The following HIBADH variants were observed in gnomAD, a reference collection of about 807,000 sequenced individuals.
The protein encoded by HIBADH is 3-hydroxyisobutyrate dehydrogenase.
A neutral mutation model predicts 36.1 loss-of-function variants in HIBADH; 25 were observed. The observed-to-expected ratio is 0.69, with a 90% CI of 0.50 to 0.97. The LOEUF is 0.97. Ranked by LOEUF, HIBADH falls within the 50% of genes least tolerant of loss-of-function variation. The probability of loss-of-function intolerance (pLI) is 0.00; values close to 1 mark genes in which losing one functional copy is unlikely to be tolerated. For missense variants in HIBADH, 421 were observed against 418.0 expected (o/e 1.01, Z -0.06); for synonymous variants, 160 against 149.5 (o/e 1.07, Z -0.51).
intron 4 of HIBADH, among the ~76,000 whole-genome samples, chr7:27,560,588 T>C (rs541797212): frequency 1.9e-3 from 293 of 152,318 alleles, no homozygotes; most frequent in Middle Eastern, 3.4e-3. Context: ...TCTTCTTTTA[T>C]TGTTAGCCTT....
chr7:27,529,643 T>C (rs1448796142), intron 7 of HIBADH, among the ~76,000 whole-genome samples: 1 of 152,236 alleles, frequency 6.6e-6, no homozygotes, highest in Non-Finnish European at 1.5e-5. Flanking sequence ...AAGTGGTTTC[T>C]TGAGATGGAT....
intron 4 of HIBADH, among the ~76,000 whole-genome samples, chr7:27,545,938 A>C (rs1784230639): frequency 6.6e-6 from 1 of 152,194 alleles, no homozygotes; most frequent in Admixed American, 6.5e-5. Context: ...AGAAAGGGTA[A>C]AAGATCTGGA....
chr7:27,555,741 A>G (rs1418622174), intron 4 of HIBADH, among the ~76,000 whole-genome samples: 1 of 152,206 alleles, frequency 6.6e-6, no homozygotes. Flanking sequence ...CAAGAAGTTC[A>G]GGCATATAAA....
At chr7:27,576,217 T>C (rs1784707448) in intron 4 of HIBADH, among the ~76,000 whole-genome samples, 1 of 152,236 alleles carries the variant, frequency 6.6e-6, no homozygotes, top group South Asian at 2.1e-4. Flanking sequence ...TTAAAAGTAA[T>C]TGTTATTTAG....
chr7:27,600,491 T>C (rs1184757596), intron 4 of HIBADH, among the ~76,000 whole-genome samples: 1 of 152,166 alleles, frequency 6.6e-6, no homozygotes, highest in African/African-American at 2.4e-5. Flanking sequence ...CACTATCTAG[T>C]TGGGCAATTT....
rs1182444738 is a variant in HIBADH, at chr7:27,525,706, ATCAGCTCCCTGGAAAAT to A, written c.*491_*507del. 6.6e-6 allele frequency: 1 copy of A among 152,234 alleles called. No homozygotes were observed. Among genetic ancestry groups the A allele is most frequent in the Non-Finnish European group, 1.5e-5 (1 of 68,050 alleles). The allele number at this position is 152,234 out of a possible 1,614,324, so 9.4% of individuals were successfully genotyped here. A position where few individuals can be genotyped will look rare whatever the true frequency, so the allele number is the denominator to read the frequency against. ...CATGCAGCAACAGTTCTCCTGCTTT[ATCAGCTCCCTGGAAAAT>A]AAACCAGTAACCCTGGTAGTGCAGT... is the stretch of plus-strand genomic sequence containing the variant. On this transcript the variant is annotated 3_prime_UTR_variant, in exon 8 of 8. Coordinates refer to ENST00000265395, the MANE Select transcript of HIBADH (RefSeq NM_152740.4).
chr7:27,573,020 G>A (rs184742322), intron 4 of HIBADH, among the ~76,000 whole-genome samples: 2 of 152,234 alleles, frequency 1.3e-5, no homozygotes, highest in African/African-American at 4.8e-5. Flanking sequence ...AGATGATTAA[G>A]ATTATATATA....
intron 4 of HIBADH, among the ~76,000 whole-genome samples, chr7:27,587,423 T>TA (rs1250101032): frequency 5.9e-5 from 9 of 152,198 alleles, no homozygotes; most frequent in Non-Finnish European, 1.0e-4. Flanking sequence ...GAAAATCTGG[T>TA]ATAACAAGTT....
At chr7:27,531,443 A>G (rs1783999921) in intron 6 of HIBADH, 95 bp from the exon 7 acceptor site, 1 of 1,065,968 alleles carries the variant, frequency 9.4e-7, no homozygotes, top group Non-Finnish European at 1.3e-6. Context: ...TTCTCTCTCC[A>G]TTTATTATAT....
chr7:27,543,305 T>C (rs1348631328), intron 4 of HIBADH, among the ~76,000 whole-genome samples: 1 of 152,122 alleles, frequency 6.6e-6, no homozygotes, highest in African/African-American at 2.4e-5. Context: ...AAGAGAGACA[T>C]ACAGATTCAG....
At chr7:27,591,847 C>G (rs1784945610) in intron 4 of HIBADH, among the ~76,000 whole-genome samples, 1 of 152,126 alleles carries the variant, frequency 6.6e-6, no homozygotes, top group African/African-American at 2.4e-5. Flanking sequence ...CTCATGCTAG[C>G]CTTTTATATC....
chr7:27,585,264 TA>T (rs1784843431), intron 4 of HIBADH, among the ~76,000 whole-genome samples: 1 of 46,836 alleles, frequency 2.1e-5, no homozygotes. Context: ...CACACGTGTG[TA>T]TGTATGTGTA....
At chr7:27,576,235 CT>C (rs1267003114) in intron 4 of HIBADH, among the ~76,000 whole-genome samples, 1 of 152,126 alleles carries the variant, frequency 6.6e-6, no homozygotes, top group Non-Finnish European at 1.5e-5. Flanking sequence ...TAGAGTAAAA[CT>C]TTATTTCCAA....
intron 4 of HIBADH, among the ~76,000 whole-genome samples, chr7:27,574,506 C>CTT (rs1256465390): frequency 5.8e-5 from 7 of 120,828 alleles, no homozygotes; most frequent in African/African-American, 1.1e-4. Flanking sequence ...ACAGGTAACT[C>CTT]TTTACCTTTT....
chr7:27,549,947 C>T (rs1300830091), intron 4 of HIBADH, among the ~76,000 whole-genome samples: 1 of 152,076 alleles, frequency 6.6e-6, no homozygotes, highest in African/African-American at 2.4e-5. Flanking sequence ...CTCGCTCAGT[C>T]GCCAGGATGG....
At chr7:27,607,551 C>G (rs911180939) in intron 4 of HIBADH, among the ~76,000 whole-genome samples, 6 of 152,094 alleles carry the variant, frequency 3.9e-5, no homozygotes, top group African/African-American at 1.4e-4. Context: ...TTACAGGTCT[C>G]AAAGTCAGAA....
chr7:27,547,016 C>T (rs760677044), intron 4 of HIBADH, among the ~76,000 whole-genome samples: 7 of 152,162 alleles, frequency 4.6e-5, no homozygotes, highest in African/African-American at 7.2e-5. Context: ...CATGTTTGTT[C>T]CCTATTCCCA....
chr7:27,545,050 G>A (rs1011625934), intron 4 of HIBADH, among the ~76,000 whole-genome samples: 1 of 152,126 alleles, frequency 6.6e-6, no homozygotes, highest in Non-Finnish European at 1.5e-5. Context: ...ACTAAAATGG[G>A]TAATTCTAAA....
At chr7:27,589,498 CTT>C (rs1026359286) in intron 4 of HIBADH, among the ~76,000 whole-genome samples, 1 of 152,114 alleles carries the variant, frequency 6.6e-6, no homozygotes, top group Non-Finnish European at 1.5e-5. Context: ...GGATCAGACA[CTT>C]TTCTAGACCC....
Sources: allele counts gnomAD v4.1 joint callset (sites outside exome capture counted in the v4.1 genomes callset), GRCh38; gene constraint gnomAD v4.1.1; transcripts MANE v1.5; gene names NCBI Gene and HGNC (gene_info 2026-07-23, HGNC 2026-07-21).